PAPSS1: variants seen among roughly 807,000 people sequenced by gnomAD.
The protein encoded by PAPSS1 is 3'-phosphoadenosine 5'-phosphosulfate synthase 1.
Under a neutral mutation model 72.0 loss-of-function variants are expected in PAPSS1, and 50 were observed. The observed-to-expected ratio is 0.69, with a 90% CI of 0.55 to 0.88. The LOEUF is 0.88. Among genes scored for constraint, PAPSS1 ranks in the 40% least tolerant of loss-of-function variants. The pLI is 0.00. For synonymous variants in PAPSS1, 261 were observed against 263.6 expected, an observed-to-expected ratio of 0.99 and a Z score of 0.09; for missense variants, 657 against 782.2, an observed-to-expected ratio of 0.84 and a Z score of 1.91.
intron 9 of PAPSS1, among the ~76,000 whole-genome samples, chr4:107,647,351 T>C (rs1726722517): frequency 6.6e-6 from 1 of 152,222 alleles, no homozygotes; most frequent in Non-Finnish European, 1.5e-5. Context: ...CACCTATACA[T>C]GACACTGCTG....
At chr4:107,633,568 A>G (rs1726276886) in intron 10 of PAPSS1, among the ~76,000 whole-genome samples, 1 of 152,118 alleles carries the variant, frequency 6.6e-6, no homozygotes, top group Admixed American at 6.5e-5. Context: ...TACAAAATTC[A>G]GGACAGAGAT....
intron 4 of PAPSS1, among the ~76,000 whole-genome samples, chr4:107,686,178 C>T (rs561401048): frequency 3.9e-5 from 6 of 152,218 alleles, no homozygotes; most frequent in Non-Finnish European, 7.4e-5. Flanking sequence ...CTCTGGGAAG[C>T]GGACCATAAA....
In PAPSS1 at chr4:107,714,417, A is replaced by T. The variant is rs539630127; in HGVS notation, c.60+5703T>A. On this transcript the variant is annotated intron_variant, in intron 1 of 11. Coordinates refer to ENST00000265174, the MANE Select transcript of PAPSS1 (RefSeq NM_005443.5). The stretch of plus-strand genomic sequence containing the variant: ...AACATTCTCTCTACTACCGCTTAAC[A>T]CCAAAAAGAAAAATCACTCCCTCCA... Among the ~76,000 whole-genome samples the T allele has an allele frequency of 2.6e-5, 4 of 152,254 alleles. No individual in the cohort carries two copies. In the South Asian group the frequency reaches 8.3e-4, roughly 32 times the overall value.
At chr4:107,624,119 A>G (rs1456829349) in intron 11 of PAPSS1, among the ~76,000 whole-genome samples, 1 of 152,088 alleles carries the variant, frequency 6.6e-6, no homozygotes, top group Non-Finnish European at 1.5e-5. Context: ...ACTCTGTTCT[A>G]CCTCACTCTG....
At chr4:107,701,127 T>C (rs1354360553) in intron 2 of PAPSS1, 44 bp downstream of exon 2, 3 of 1,300,934 alleles carry the variant, frequency 2.3e-6, no homozygotes, top group African/African-American at 2.9e-5. Context: ...GTTACCTATA[T>C]GCACTGCTTT....
At chr4:107,686,558 T>C (rs1277677442) in intron 4 of PAPSS1, among the ~76,000 whole-genome samples, 3 of 152,248 alleles carry the variant, frequency 2.0e-5, no homozygotes, top group Non-Finnish European at 2.9e-5. Flanking sequence ...ATCAGTGATA[T>C]GTTAATTCAA....
rs186508360 is a variant in PAPSS1, at chr4:107,666,602, T to C, written c.670-6530A>G. 2.2e-4 allele frequency among the ~76,000 whole-genome samples: 34 copies of C among 152,308 alleles called. No homozygotes were observed. In the East Asian group the frequency reaches 6.2e-3, roughly 28 times the overall value. ...CCCATGGTAACCAAAGGACCCATCA[T>C]CCTATATTACCCGTTGTACAGCATA... On this transcript the variant is annotated intron_variant, in intron 5 of 11. Coordinates refer to ENST00000265174, the MANE Select transcript of PAPSS1 (RefSeq NM_005443.5).
intron 9 of PAPSS1, among the ~76,000 whole-genome samples, chr4:107,652,328 T>A (rs1458014005): frequency 6.6e-6 from 1 of 152,190 alleles, no homozygotes; most frequent in Non-Finnish European, 1.5e-5. Flanking sequence ...CAGTGAATGC[T>A]GTTCCCTGAT....
At chr4:107,692,419 C>T (rs1047579931) in intron 3 of PAPSS1, among the ~76,000 whole-genome samples, 9 of 151,948 alleles carry the variant, frequency 5.9e-5, no homozygotes, top group South Asian at 2.1e-4. Context: ...TAAATGCAAA[C>T]GAAAACCACA....
At chr4:107,673,946 T>A (rs1190408593) in intron 5 of PAPSS1, among the ~76,000 whole-genome samples, 1 of 152,154 alleles carries the variant, frequency 6.6e-6, no homozygotes, top group Non-Finnish European at 1.5e-5. Flanking sequence ...GCAGCCAAAC[T>A]AAGCTTCATA....
intron 1 of PAPSS1, 154 bp downstream of exon 1, chr4:107,719,966 C>A: frequency 7.1e-7 from 1 of 1,414,362 alleles, no homozygotes; most frequent in Non-Finnish European, 9.2e-7. Flanking sequence ...CAACCACCCA[C>A]GGCCCCAGCC....
chr4:107,649,392 C>G (rs1165690261), intron 9 of PAPSS1, among the ~76,000 whole-genome samples: 1 of 152,260 alleles, frequency 6.6e-6, no homozygotes, highest in Non-Finnish European at 1.5e-5. Context: ...CCCTTTGGGA[C>G]TGGCTAACAC....
intron 2 of PAPSS1, among the ~76,000 whole-genome samples, chr4:107,699,709 G>C (rs907293050): frequency 6.6e-6 from 1 of 152,120 alleles, no homozygotes; most frequent in Non-Finnish European, 1.5e-5. Flanking sequence ...AAAAGAAAAA[G>C]CTGATTAGGC....
chr4:107,637,182 A>G (rs1332858963), intron 10 of PAPSS1, among the ~76,000 whole-genome samples: 1 of 152,178 alleles, frequency 6.6e-6, no homozygotes, highest in Non-Finnish European at 1.5e-5. Flanking sequence ...CAGAGTTAGA[A>G]TTGTTCTAGA....
At chr4:107,719,548 C>T (rs1186394175) in intron 1 of PAPSS1, among the ~76,000 whole-genome samples, 2 of 152,218 alleles carry the variant, frequency 1.3e-5, no homozygotes, top group Non-Finnish European at 2.9e-5. Flanking sequence ...ACACAAAGAA[C>T]CTCAGTTCAG....
intron 6 of PAPSS1, among the ~76,000 whole-genome samples, chr4:107,658,656 C>T (rs1727083646): frequency 6.6e-6 from 1 of 152,064 alleles, no homozygotes; most frequent in African/African-American, 2.4e-5. Context: ...AGTATGTTTG[C>T]CAATGTGTTC....
intron 10 of PAPSS1, among the ~76,000 whole-genome samples, chr4:107,637,561 A>G (rs1040477159): frequency 6.6e-6 from 1 of 152,196 alleles, no homozygotes; most frequent in Non-Finnish European, 1.5e-5. Context: ...TTCTGAATTA[A>G]AAATACTGAG....
rs79670408 is a variant in PAPSS1, at chr4:107,707,378, A to G, written c.61-6093T>C. On this transcript the variant is annotated intron_variant, in intron 1 of 11. Transcript: ENST00000265174. ...TAAGACAAGTCTAAAACTTGCATCA[A>G]TTGGGTCTGGCCTGGTGGTGGAGGT... 1.3e-3 allele frequency among the ~76,000 whole-genome samples: 193 copies of G among 152,268 alleles called. 1 individual carries two copies. Among genetic ancestry groups the G allele is most frequent in the African/African-American group, 3.7e-3 (153 of 41,566 alleles).
At chr4:107,644,759 T>C in intron 10 of PAPSS1, 43 bp downstream of exon 10, 1 of 1,547,184 alleles carries the variant, frequency 6.5e-7, no homozygotes, top group East Asian at 2.3e-5. Flanking sequence ...TTAGTAAGAG[T>C]GGCTTTAACA....
Sources: gnomAD v4.1 joint callset for allele counts (sites outside exome capture counted in the v4.1 genomes callset) on GRCh38, gnomAD v4.1.1 for gene constraint, MANE v1.5 for transcripts, NCBI Gene and HGNC (gene_info 2026-07-23, HGNC 2026-07-21) for gene names.